The following SLC30A8 variants were observed in gnomAD, a reference collection of about 807,000 sequenced individuals.
The protein encoded by SLC30A8 is proton-coupled zinc antiporter SLC30A8.
A neutral mutation model predicts 36.9 loss-of-function variants in SLC30A8; 27 were observed. The observed-to-expected ratio is 0.73, with a 90% CI of 0.54 to 1.01. The LOEUF (loss-of-function observed/expected upper bound fraction) is 1.01. Ranked by LOEUF, SLC30A8 falls within the 50% of genes least tolerant of loss-of-function variation. The probability of loss-of-function intolerance (pLI) is 0.00; values close to 1 mark genes in which losing one functional copy is unlikely to be tolerated. For synonymous variants in SLC30A8, 164 were observed against 172.4 expected (o/e 0.95, Z 0.38); for missense variants, 439 against 452.0 (o/e 0.97, Z 0.26).
At chr8:116,974,411 A>G (rs1383400012) in intron 1 of SLC30A8, among the ~76,000 whole-genome samples, 1 of 152,242 alleles carries the variant, frequency 6.6e-6, no homozygotes, top group Non-Finnish European at 1.5e-5. Context: ...GAAGACATTT[A>G]TGCAGCCAAC....
intron 2 of SLC30A8, among the ~76,000 whole-genome samples, chr8:117,106,561 C>T (rs1354651615): frequency 6.6e-6 from 1 of 152,094 alleles, no homozygotes; most frequent in Non-Finnish European, 1.5e-5. Flanking sequence ...GATGAGGACT[C>T]AGAGGTCATA....
intron 2 of SLC30A8, among the ~76,000 whole-genome samples, chr8:117,042,215 TATC>T (rs2130758488): frequency 6.6e-6 from 1 of 152,376 alleles, no homozygotes; most frequent in East Asian, 1.9e-4. Flanking sequence ...GTCACCCTGA[TATC>T]AGCAATAAAA....
intron 2 of SLC30A8, among the ~76,000 whole-genome samples, chr8:117,061,739 T>G (rs1000810027): frequency 3.9e-5 from 6 of 152,196 alleles, no homozygotes; most frequent in Non-Finnish European, 2.9e-5. Context: ...TGTTTTCAGC[T>G]ATCAGCTTTG....
chr8:117,123,084 G>A (rs916698933), intron 2 of SLC30A8, among the ~76,000 whole-genome samples: 3 of 151,948 alleles, frequency 2.0e-5, no homozygotes, highest in African/African-American at 7.2e-5. Context: ...TTAATGGGAA[G>A]TTTCTCCGTC....
chr8:117,026,667 G>A lies in SLC30A8; in HGVS notation c.-265-12552G>A, dbSNP rs145759575. On this transcript the variant is annotated intron_variant, in intron 1 of 10. Transcript: ENST00000427715. ...TTCCTAAATGTACACTGTTAGACAA[G>A]CCACTTTATCTCTCTGATTCCTGCT... Among the ~76,000 whole-genome samples, 6 of 152,266 alleles carry A rather than the reference G, an allele frequency of 3.9e-5. No homozygotes were observed. In the East Asian group the frequency reaches 5.8e-4, roughly 15 times the overall value.
intron 2 of SLC30A8, among the ~76,000 whole-genome samples, chr8:117,066,398 C>G (rs527586350): frequency 6.6e-6 from 1 of 152,186 alleles, no homozygotes; most frequent in East Asian, 1.9e-4. Flanking sequence ...CAGCTTCTTT[C>G]TTGGAGTCAG....
In SLC30A8 at chr8:117,079,588, GA is replaced by G. The variant is rs1314882194; in HGVS notation, c.-226+40333del. Among the ~76,000 whole-genome samples the G allele has an allele frequency of 2.0e-5, 3 of 152,300 alleles. No homozygotes were observed. In the East Asian group the frequency reaches 5.8e-4, roughly 29 times the overall value. The stretch of plus-strand genomic sequence containing the variant: ...TCATGATATTTCCCCTAAGAACAAG[GA>G]AATAGCATGGGCATTTGACCCAATG... On this transcript the variant is annotated intron_variant, in intron 2 of 10. Coordinates refer to the SLC30A8 transcript ENST00000427715.
Position 117,092,176 on chromosome 8 carries a change from G to A in SLC30A8, c.-225-43104G>A, listed in dbSNP as rs1421392836. Among the ~76,000 whole-genome samples the A allele has an allele frequency of 2.0e-5, 3 of 152,168 alleles. No individual in the cohort carries two copies. In the East Asian group the frequency reaches 5.8e-4, roughly 29 times the overall value. On this transcript the variant is annotated intron_variant, in intron 2 of 10. Transcript: ENST00000427715. ...GTTAGTTTTGTGCAGCATTTCAACT[G>A]TTCTGGTAAAAACAAAATACAAATA...
intron 2 of SLC30A8, among the ~76,000 whole-genome samples, chr8:117,065,047 T>C (rs1586461324): frequency 6.6e-6 from 1 of 152,240 alleles, no homozygotes; most frequent in East Asian, 1.9e-4. Context: ...CTCACTGTGT[T>C]AATCATGTTT....
At chr8:117,080,973 A>G (rs747099998) in intron 2 of SLC30A8, among the ~76,000 whole-genome samples, 14 of 152,206 alleles carry the variant, frequency 9.2e-5, no homozygotes, top group Non-Finnish European at 1.9e-4. Flanking sequence ...CTGTTTTGTG[A>G]CAAAAATATC....
chr8:116,969,664 G>A (rs1814726306), intron 1 of SLC30A8, among the ~76,000 whole-genome samples: 1 of 152,094 alleles, frequency 6.6e-6, no homozygotes, highest in African/African-American at 2.4e-5. Context: ...ATCGCTCCTA[G>A]GCTGCAAATC....
At chr8:116,993,287 A>G (rs1177573881) in intron 1 of SLC30A8, among the ~76,000 whole-genome samples, 1 of 151,424 alleles carries the variant, frequency 6.6e-6, no homozygotes, top group African/African-American at 2.5e-5. Flanking sequence ...ACCCAGGACA[A>G]TAGGAAGTCC....
At chr8:117,019,244 G>A (rs191327242) in intron 1 of SLC30A8, among the ~76,000 whole-genome samples, 12 of 152,248 alleles carry the variant, frequency 7.9e-5, no homozygotes, top group South Asian at 4.2e-4. Context: ...GAAGCTCAAC[G>A]CATTTTTAAA....
At chr8:117,164,699 T>C (rs980792557) in intron 6 of SLC30A8, among the ~76,000 whole-genome samples, 1 of 152,116 alleles carries the variant, frequency 6.6e-6, no homozygotes, top group Non-Finnish European at 1.5e-5. Flanking sequence ...AGAAGAGGTG[T>C]GGGCCTCTTA....
chr8:117,026,958 C>T (rs764766433), intron 1 of SLC30A8, among the ~76,000 whole-genome samples: 16 of 151,906 alleles, frequency 1.1e-4, no homozygotes, highest in Admixed American at 2.6e-4. Context: ...TTCCATGGTC[C>T]GGGCGCCACT....
At chr8:117,119,787 G>T (rs1820611329) in intron 2 of SLC30A8, among the ~76,000 whole-genome samples, 1 of 151,764 alleles carries the variant, frequency 6.6e-6, no homozygotes, top group African/African-American at 2.4e-5. Flanking sequence ...AAAGCTGCAG[G>T]ATATAAAATC....
intron 1 of SLC30A8, among the ~76,000 whole-genome samples, chr8:117,030,011 T>C (rs370143268): frequency 6.6e-6 from 1 of 152,236 alleles, no homozygotes; most frequent in African/African-American, 2.4e-5. Flanking sequence ...TTGATGAAAA[T>C]GTAGCATTTA....
At chr8:116,959,774 C>T (rs572726335) in intron 1 of SLC30A8, among the ~76,000 whole-genome samples, 7 of 152,268 alleles carry the variant, frequency 4.6e-5, no homozygotes, top group South Asian at 2.1e-4. Context: ...TGGAGACAGG[C>T]GCTATTCCCA....
intron 4 of SLC30A8, 52 bp from the exon 5 acceptor site, chr8:117,161,686 A>G (rs1052434060): frequency 9.1e-6 from 14 of 1,539,848 alleles, no homozygotes; most frequent in Admixed American, 5.7e-5. Flanking sequence ...TATGCTGCCT[A>G]CGTTTTTAAG....
Sources: gnomAD v4.1 joint callset for allele counts (sites outside exome capture counted in the v4.1 genomes callset) on GRCh38, gnomAD v4.1.1 for gene constraint, MANE v1.5 for transcripts, NCBI Gene and HGNC (gene_info 2026-07-23, HGNC 2026-07-21) for gene names.